The following SCFD2 variants were observed in gnomAD, a reference collection of about 807,000 sequenced individuals.
SCFD2 encodes sec1 family domain containing 2, also known as sec1 family domain-containing protein 2.
SCFD2 carries 54 observed loss-of-function variants against 58.9 expected under a neutral mutation model. That is an observed-to-expected ratio of 0.92 (90% CI 0.74 to 1.15). The LOEUF is 1.15. SCFD2 is among the 50% of genes most tolerant of loss of function. The pLI is 0.00. For missense variants in SCFD2, 805 were observed against 836.6 expected (o/e 0.96, Z 0.47); for synonymous variants, 321 against 335.9 (o/e 0.96, Z 0.49).
At chr4:53,207,047 G>A (rs1200143001) in intron 4 of SCFD2, among the ~76,000 whole-genome samples, 4 of 152,030 alleles carry the variant, frequency 2.6e-5, no homozygotes, top group East Asian at 1.9e-4. Context: ...ATGGCATGGC[G>A]AGAGGGCATG....
rs1465045612 is a variant in SCFD2 at position 53,352,718 on chromosome 4, G to A, written c.887C>T (p.Ala296Val). ...GDNLVEKIIS[A>V]LPQLPGHTND... ...TGTGTGGCCTGGGAGCTGGGGAAGT[G>A]CTGAAATGATCTTCTCTACTAAGTT... is the stretch of plus-strand genomic sequence containing the variant. The change falls in exon 2 of 9, where the codon GCA (alanine) becomes GTA (valine). Residue 296 changes from alanine to valine, a missense_variant. Ala to Val is a moderately conservative substitution (Grantham distance 64, BLOSUM62 0). This residue lies in a region of SCFD2 where 633 missense variants were observed against 646.8 expected (regional missense o/e 0.98). Coordinates refer to ENST00000401642, the MANE Select transcript of SCFD2 (RefSeq NM_152540.4). 6.2e-7 allele frequency: 1 copy of A among 1,614,044 alleles called. No individual in the cohort carries two copies.
intron 4 of SCFD2, among the ~76,000 whole-genome samples, chr4:53,181,830 G>A (rs1347560378): frequency 6.6e-6 from 1 of 152,072 alleles, no homozygotes; most frequent in East Asian, 1.9e-4. Flanking sequence ...AAATCAATGT[G>A]CAAAAATCAC....
At chr4:53,322,910 AC>A (rs1733068765) in intron 2 of SCFD2, among the ~76,000 whole-genome samples, 1 of 152,188 alleles carries the variant, frequency 6.6e-6, no homozygotes, top group Admixed American at 6.5e-5. Context: ...GTGTCAAGGA[AC>A]TCTAGGACAA....
intron 5 of SCFD2, among the ~76,000 whole-genome samples, chr4:53,095,966 G>A (rs141567264): frequency 0.012 from 1,758 of 152,090 alleles, 11 homozygotes; most frequent in South Asian, 0.035. Context: ...GAGAACATGC[G>A]GTGTTTGGTT....
intron 4 of SCFD2, among the ~76,000 whole-genome samples, chr4:53,194,546 A>T (rs1041298096): frequency 6.6e-6 from 1 of 152,178 alleles, no homozygotes; most frequent in Non-Finnish European, 1.5e-5. Context: ...TTAAAGAACT[A>T]AGTTTTACTC....
At chr4:53,017,043 G>A (rs538325928) in intron 5 of SCFD2, among the ~76,000 whole-genome samples, 1 of 152,288 alleles carries the variant, frequency 6.6e-6, no homozygotes, top group Non-Finnish European at 1.5e-5. Flanking sequence ...AGGAGGCAGA[G>A]GTTGCAGTGA....
chr4:53,332,695 G>A (rs1372704638), intron 2 of SCFD2, among the ~76,000 whole-genome samples: 1 of 152,036 alleles, frequency 6.6e-6, no homozygotes, highest in Non-Finnish European at 1.5e-5. Context: ...CACAAGACAG[G>A]GATGCCCTCT....
chr4:53,057,696 G>T (rs1173447217), intron 5 of SCFD2, among the ~76,000 whole-genome samples: 1 of 152,012 alleles, frequency 6.6e-6, no homozygotes, highest in Non-Finnish European at 1.5e-5. Context: ...AAAAATAAAA[G>T]ACAATTATCA....
At chr4:53,333,596 A>C (rs1273954011) in intron 2 of SCFD2, among the ~76,000 whole-genome samples, 1 of 151,238 alleles carries the variant, frequency 6.6e-6, no homozygotes, top group African/African-American at 2.4e-5. Context: ...TACAAAAATT[A>C]ATTCAAGATG....
chr4:53,120,993 C>G (rs1211772888), intron 5 of SCFD2, among the ~76,000 whole-genome samples: 1 of 152,226 alleles, frequency 6.6e-6, no homozygotes, highest in Non-Finnish European at 1.5e-5. Flanking sequence ...TAGATTCACT[C>G]AATAGACGCT....
At chr4:53,078,414 A>G (rs1244191019) in intron 5 of SCFD2, among the ~76,000 whole-genome samples, 2 of 152,216 alleles carry the variant, frequency 1.3e-5, no homozygotes, top group African/African-American at 4.8e-5. Flanking sequence ...ATTAATAAAC[A>G]ATTTGTGGCA....
At chr4:53,231,696 T>C (rs1729445493) in intron 4 of SCFD2, among the ~76,000 whole-genome samples, 2 of 152,244 alleles carry the variant, frequency 1.3e-5, no homozygotes, top group South Asian at 4.1e-4. Flanking sequence ...ATTCATCATA[T>C]TTAAATAGGC....
intron 5 of SCFD2, among the ~76,000 whole-genome samples, chr4:53,081,401 C>T (rs1724142343): frequency 6.6e-6 from 1 of 152,104 alleles, no homozygotes; most frequent in East Asian, 1.9e-4. Context: ...CAACCCACCT[C>T]CCTCCACTTT....
chr4:53,003,781 A>C (rs913492152), intron 5 of SCFD2, among the ~76,000 whole-genome samples: 2 of 152,188 alleles, frequency 1.3e-5, no homozygotes, highest in African/African-American at 4.8e-5. Context: ...GCTTGCTACA[A>C]CTCTAAGGAG....
chr4:53,252,820 A>G (rs1039602782), intron 4 of SCFD2, among the ~76,000 whole-genome samples: 1 of 152,194 alleles, frequency 6.6e-6, no homozygotes, highest in African/African-American at 2.4e-5. Context: ...TTCAGGACAT[A>G]GGCATGGGCA....
At chr4:53,065,790 C>T (rs1423824627) in intron 5 of SCFD2, among the ~76,000 whole-genome samples, 2 of 152,034 alleles carry the variant, frequency 1.3e-5, no homozygotes, top group African/African-American at 2.4e-5. Context: ...CATTCCACTA[C>T]CATACTATGT....
intron 8 of SCFD2, among the ~76,000 whole-genome samples, chr4:52,880,737 G>A (rs1301240011): frequency 6.6e-6 from 1 of 152,278 alleles, no homozygotes; most frequent in East Asian, 1.9e-4. Context: ...GTGGATGGGG[G>A]TCAACTTTCC....
intron 7 of SCFD2, among the ~76,000 whole-genome samples, chr4:52,899,012 C>T (rs923128949): frequency 6.6e-6 from 1 of 152,176 alleles, no homozygotes; most frequent in African/African-American, 2.4e-5. Flanking sequence ...GTAGATCTTC[C>T]TCCATCGCTT....
chr4:52,965,371 T>C (rs796760540), intron 5 of SCFD2, among the ~76,000 whole-genome samples: 51 of 152,310 alleles, frequency 3.3e-4, no homozygotes, highest in Admixed American at 9.8e-4. Context: ...TCAGTTCCTC[T>C]GGCACCCCTA....
Sources: allele counts gnomAD v4.1 joint callset (sites outside exome capture counted in the v4.1 genomes callset), GRCh38; gene constraint gnomAD v4.1.1; regional missense constraint gnomAD v4.1.1; transcripts MANE v1.5; gene names NCBI Gene and HGNC (gene_info 2026-07-23, HGNC 2026-07-21).